The following CTTNBP2 variants were observed in gnomAD, a reference collection of about 807,000 sequenced individuals.
CTTNBP2 encodes cortactin binding protein 2, also known as cortactin-binding protein 2.
In CTTNBP2, 108 loss-of-function variants were observed where a neutral mutation model predicts 156.9. That is an observed-to-expected ratio of 0.69 (90% CI 0.59 to 0.81). CTTNBP2 has a LOEUF of 0.81. Among genes scored for constraint, CTTNBP2 ranks in the 30% least tolerant of loss-of-function variants. The pLI, the probability that CTTNBP2 is intolerant of heterozygous loss-of-function variation, is 0.00. For synonymous variants in CTTNBP2, 767 were observed against 751.8 expected, an observed-to-expected ratio of 1.02 and a Z score of -0.33; for missense variants, 1,924 against 2,035.4, an observed-to-expected ratio of 0.95 and a Z score of 1.05.
At chr7:117,864,747 C>G (rs1159369750) in intron 1 of CTTNBP2, among the ~76,000 whole-genome samples, 10 of 131,098 alleles carry the variant, frequency 7.6e-5, no homozygotes, top group Non-Finnish European at 1.5e-4. Flanking sequence ...TATATTCATT[C>G]AATATATATT....
chr7:117,828,474 C>A (rs1239959614), intron 2 of CTTNBP2, among the ~76,000 whole-genome samples: 3 of 152,184 alleles, frequency 2.0e-5, no homozygotes, highest in Non-Finnish European at 4.4e-5. Flanking sequence ...CACATCGCAG[C>A]AGGACAAGTA....
At chr7:117,817,353 A>ATATATATAT (rs1253854778) in intron 2 of CTTNBP2, among the ~76,000 whole-genome samples, 4 of 36,212 alleles carry the variant, frequency 1.1e-4, no homozygotes, top group African/African-American at 3.0e-4. Context: ...AAAAAAAAAA[A>ATATATATAT]AAAAAAAAAT....
intron 9 of CTTNBP2, among the ~76,000 whole-genome samples, chr7:117,761,288 G>T (rs978470554): frequency 6.6e-5 from 10 of 152,186 alleles, no homozygotes; most frequent in African/African-American, 2.4e-4. Context: ...TTTTGTAATA[G>T]ATTTTACATA....
chr7:117,736,097 A>G (rs139800622), intron 14 of CTTNBP2, among the ~76,000 whole-genome samples: 278 of 152,338 alleles, frequency 1.8e-3, no homozygotes, highest in African/African-American at 6.5e-3. Context: ...TCTATTTCAT[A>G]ATACAAAAGG....
intron 3 of CTTNBP2, among the ~76,000 whole-genome samples, chr7:117,802,294 T>G (rs1404982260): frequency 6.6e-6 from 1 of 151,868 alleles, no homozygotes; most frequent in Non-Finnish European, 1.5e-5. Context: ...AATAGTCCTA[T>G]GCAGAAGAGC....
At position 117,791,616 on chromosome 7, in the gene CTTNBP2, G is replaced by T; in HGVS notation, c.1580C>A (p.Thr527Asn). 1.9e-6 allele frequency: 3 copies of T among 1,614,112 alleles called. No individual in the cohort carries two copies. Among genetic ancestry groups the T allele is most frequent in the Non-Finnish European group, 2.5e-6 (3 of 1,180,032 alleles). Residue 527 changes from threonine (T) to asparagine (N), a missense_variant, in exon 4 of 23, where the codon ACC becomes AAC. Physicochemically the swap from Thr to Asn is moderately conservative, Grantham distance 65 (BLOSUM62 0). Transcript: ENST00000160373. Reference protein sequence around the residue: ...DVGTHPPVGRTSLKTHGVARV... With the variant: ...DVGTHPPVGRNSLKTHGVARV... The stretch of plus-strand genomic sequence containing the variant: ...TGCTACACCATGAGTCTTTAAACTG[G>T]TCCGACCAACTGGAGGGTGGGTGCC...
intron 3 of CTTNBP2, among the ~76,000 whole-genome samples, chr7:117,802,070 A>G (rs1488803900): frequency 3.2e-5 from 2 of 63,188 alleles, no homozygotes; most frequent in Non-Finnish European, 5.7e-5. Context: ...CCCCCACCCC[A>G]CCACAGTCCC....
intron 2 of CTTNBP2, among the ~76,000 whole-genome samples, chr7:117,859,501 A>AAT (rs969633975): frequency 2.7e-4 from 41 of 151,824 alleles, no homozygotes; most frequent in South Asian, 1.0e-3. Context: ...AGGACCAAAA[A>AAT]ATATATATAT....
rs143264117 is a variant in CTTNBP2 at position 117,790,050 on chromosome 7, G to C, written c.2068+1078C>G. On this transcript the variant is annotated intron_variant, in intron 4 of 22. Transcript: ENST00000160373. ...TTGCTTTTCTCTCTCTCCCCTCAAAGTATTAAATATAACAACTGTTCAAAC... is the reference window on the plus strand; with the variant it reads ...TTGCTTTTCTCTCTCTCCCCTCAAACTATTAAATATAACAACTGTTCAAAC... Among the ~76,000 whole-genome samples, 50 of 152,168 alleles carry C rather than the reference G, an allele frequency of 3.3e-4. No individual in the cohort carries two copies. In the East Asian group the frequency reaches 6.2e-3, roughly 19 times the overall value.
chr7:117,830,296 C>T (rs369377845), intron 2 of CTTNBP2, among the ~76,000 whole-genome samples: 1 of 152,204 alleles, frequency 6.6e-6, no homozygotes, highest in East Asian at 1.9e-4. Flanking sequence ...TAAAGCTGAC[C>T]TAAGTTACAA....
chr7:117,711,535 G>T lies in CTTNBP2; in HGVS notation c.*2C>A. The T allele has an allele frequency of 1.2e-6, 2 of 1,611,392 alleles. No homozygotes were observed. The highest frequency in any genetic ancestry group is 1.7e-6 in the Non-Finnish European group (2 of 1,179,102). On this transcript the variant is annotated 3_prime_UTR_variant, in exon 23 of 23. Transcript: ENST00000160373. ...TTAATAATGAGAATATTGTAGGCAG[G>T]CCTATTTGTTAGGTTTTTCTAGGTG...
chr7:117,741,062 G>A (rs187146004), intron 14 of CTTNBP2, among the ~76,000 whole-genome samples: 1 of 152,312 alleles, frequency 6.6e-6, no homozygotes, highest in Admixed American at 6.5e-5. Context: ...TATAACAGCA[G>A]GGAACTGTCT....
chr7:117,747,523 A>C (rs977271273), intron 12 of CTTNBP2, among the ~76,000 whole-genome samples: 1 of 152,228 alleles, frequency 6.6e-6, no homozygotes, highest in Non-Finnish European at 1.5e-5. Flanking sequence ...CTTTAATCCC[A>C]GCACTTTGGG....
intron 12 of CTTNBP2, among the ~76,000 whole-genome samples, chr7:117,746,564 C>A (rs1796343631): frequency 6.6e-6 from 1 of 152,158 alleles, no homozygotes; most frequent in African/African-American, 2.4e-5. Context: ...TGTCAGCACC[C>A]ACAGTCACCG....
intron 7 of CTTNBP2, among the ~76,000 whole-genome samples, chr7:117,778,181 G>T (rs1309391119): frequency 6.6e-6 from 1 of 152,178 alleles, no homozygotes; most frequent in Admixed American, 6.5e-5. Context: ...TTATAAGCCA[G>T]TTTTACTTAT....
At chr7:117,800,520 A>G (rs940628321) in intron 3 of CTTNBP2, among the ~76,000 whole-genome samples, 1 of 152,144 alleles carries the variant, frequency 6.6e-6, no homozygotes, top group Admixed American at 6.5e-5. Flanking sequence ...TTTCCTTAAG[A>G]ATCTGTAAAC....
intron 22 of CTTNBP2, 135 bp from the exon 23 acceptor site, chr7:117,711,917 A>C: frequency 1.2e-6 from 1 of 807,554 alleles, no homozygotes; most frequent in Non-Finnish European, 1.9e-6. Flanking sequence ...TCAAAAGAAA[A>C]TGGAGAGGAG....
At chr7:117,801,507 T>C (rs946192947) in intron 3 of CTTNBP2, among the ~76,000 whole-genome samples, 3 of 152,130 alleles carry the variant, frequency 2.0e-5, no homozygotes, top group Non-Finnish European at 4.4e-5. Context: ...ATTGGGAAAA[T>C]AATTGCTACA....
In CTTNBP2 at chr7:117,711,604, TTGA is replaced by T. The variant is rs1245251709; in HGVS notation, c.4922_4924del (p.Ile1641del). On this transcript the variant is annotated inframe_deletion, in exon 23 of 23. Transcript: ENST00000160373. ...CCAATTCACTTCTTTTGAGTTGTTG[TTGA>T]TTTCTATTTGCCTTGTATTACTGCT... is the stretch of plus-strand genomic sequence containing the variant. 6.2e-7 allele frequency: 1 copy of T among 1,614,054 alleles called. No individual in the cohort carries two copies. Among genetic ancestry groups the T allele is most frequent in the East Asian group, 2.2e-5 (1 of 44,874 alleles).
Sources: allele counts gnomAD v4.1 joint callset (sites outside exome capture counted in the v4.1 genomes callset), GRCh38; gene constraint gnomAD v4.1.1; transcripts MANE v1.5; gene names NCBI Gene and HGNC (gene_info 2026-07-23, HGNC 2026-07-21).